Variants in HS6ST2 observed in about 807,000 individuals in gnomAD.
The protein encoded by HS6ST2 is heparan-sulfate 6-O-sulfotransferase 2.
A neutral mutation model predicts 33.0 loss-of-function variants in HS6ST2; 17 were observed. The observed-to-expected ratio is 0.52, with a 90% CI of 0.35 to 0.77. The LOEUF (loss-of-function observed/expected upper bound fraction) is 0.77. Ranked by LOEUF, HS6ST2 falls within the 30% of genes least tolerant of loss-of-function variation. The pLI, the probability that HS6ST2 is intolerant of heterozygous loss-of-function variation, is 0.01. For synonymous variants in HS6ST2, 248 were observed against 237.1 expected, an observed-to-expected ratio of 1.05 and a Z score of -0.42; for missense variants, 519 against 551.7, an observed-to-expected ratio of 0.94 and a Z score of 0.59.
intron 3 of HS6ST2, among the ~76,000 whole-genome samples, chrX:132,672,780 T>C: frequency 8.9e-6 from 1 of 112,504 alleles, no homozygotes; most frequent in African/African-American, 3.2e-5. Flanking sequence ...AAATTGCAAC[T>C]AACCCAACTC....
At chrX:132,939,706 CAA>C (rs2066867859) in intron 2 of HS6ST2, among the ~76,000 whole-genome samples, 1 of 111,872 alleles carries the variant, frequency 8.9e-6, no homozygotes, top group Non-Finnish European at 1.9e-5. Context: ...ACAATAATAT[CAA>C]AAGAGTAAAA....
chrX:132,694,856 T>C (rs1159583777), intron 3 of HS6ST2, among the ~76,000 whole-genome samples: 1 of 110,896 alleles, frequency 9.0e-6, no homozygotes, highest in African/African-American at 3.3e-5. Context: ...AAAAGATACC[T>C]TGAAGATTTT....
chrX:132,665,342 A>G (rs770456036), intron 4 of HS6ST2, among the ~76,000 whole-genome samples: 3 of 111,671 alleles, frequency 2.7e-5, no homozygotes, highest in Non-Finnish European at 5.6e-5. Context: ...TGGAAAGATC[A>G]TGGGACAAGT....
intron 2 of HS6ST2, among the ~76,000 whole-genome samples, chrX:132,839,303 TATATATATATATAC>T (rs1281921308): frequency 0.016 from 421 of 26,747 alleles, 4 homozygotes; most frequent in African/African-American, 0.069. Context: ...TATATATATA[TATATATATATATAC>T]ACACACATGT....
chrX:132,740,722 T>A (rs1254005710), intron 2 of HS6ST2, among the ~76,000 whole-genome samples: 1 of 109,983 alleles, frequency 9.1e-6, no homozygotes, highest in Non-Finnish European at 1.9e-5. Flanking sequence ...TGGATGGCAA[T>A]CCTCTATTGG....
At chrX:132,872,168 C>T (rs751205796) in intron 2 of HS6ST2, among the ~76,000 whole-genome samples, 2 of 111,461 alleles carry the variant, frequency 1.8e-5, no homozygotes, top group Non-Finnish European at 3.8e-5. Context: ...TGATTCACAT[C>T]GGTTGTCCTT....
chrX:132,697,395 C>A (rs991830901), intron 3 of HS6ST2, among the ~76,000 whole-genome samples: 1 of 111,800 alleles, frequency 8.9e-6, no homozygotes, highest in Non-Finnish European at 1.9e-5. Flanking sequence ...AAATTAAGGC[C>A]GGCTCTTCAC....
At chrX:132,827,495 T>A (rs906492933) in intron 2 of HS6ST2, among the ~76,000 whole-genome samples, 1 of 108,543 alleles carries the variant, frequency 9.2e-6, no homozygotes, top group African/African-American at 3.4e-5. Context: ...GTGTCAACAG[T>A]GGGAAAAGGG....
intron 2 of HS6ST2, among the ~76,000 whole-genome samples, chrX:132,732,388 G>C (rs761254481): frequency 9.0e-6 from 1 of 111,614 alleles, no homozygotes; most frequent in East Asian, 2.8e-4. Context: ...ACTTAGTTTC[G>C]TTAGGCATAG....
intron 2 of HS6ST2, among the ~76,000 whole-genome samples, chrX:132,828,100 C>A (rs755306390): frequency 3.6e-5 from 4 of 111,290 alleles, no homozygotes; most frequent in South Asian, 7.7e-4. Flanking sequence ...CTTGCCATGG[C>A]AAAGTATTGC....
chrX:132,763,356 G>T (rs1251522156), intron 2 of HS6ST2, among the ~76,000 whole-genome samples: 1 of 112,794 alleles, frequency 8.9e-6, no homozygotes, highest in African/African-American at 3.2e-5. Context: ...ATCATTCTGT[G>T]CAGATGTAAG....
intron 2 of HS6ST2, among the ~76,000 whole-genome samples, chrX:132,725,788 A>G (rs1412724641): frequency 1.8e-5 from 2 of 112,134 alleles, no homozygotes; most frequent in African/African-American, 6.5e-5. Flanking sequence ...ATGGATGGAT[A>G]AAGAAAATGT....
intron 2 of HS6ST2, among the ~76,000 whole-genome samples, chrX:132,745,386 C>G (rs767129258): frequency 1.7e-3 from 193 of 111,883 alleles, no homozygotes; most frequent in Middle Eastern, 9.3e-3. Flanking sequence ...CGCCCAGCCC[C>G]GATAGTTTTT....
At position 132,831,523 on chromosome X, in the gene HS6ST2, C is replaced by CA. The variant is rs764226718; in HGVS notation, c.948-123030dup. Among the ~76,000 whole-genome samples, 302 of 111,632 alleles carry CA rather than the reference C, an allele frequency of 2.7e-3. 1 individual carries two copies. The highest frequency in any genetic ancestry group is 3.9e-3 in the Non-Finnish European group (206 of 53,141). ...GTCCCAGCCACTTACAGACATTCTACAGCACACGAGCTTGTCCAACTACCT... is the reference window on the plus strand; with the variant it reads ...GTCCCAGCCACTTACAGACATTCTACAAGCACACGAGCTTGTCCAACTACCT... On this transcript the variant is annotated intron_variant, in intron 2 of 4. Transcript: ENST00000370833.
intron 2 of HS6ST2, among the ~76,000 whole-genome samples, chrX:132,769,842 GC>G (rs2064880533): frequency 8.9e-6 from 1 of 111,976 alleles, no homozygotes; most frequent in Non-Finnish European, 1.9e-5. Flanking sequence ...GATGTGGAGA[GC>G]CAACACTGTC....
intron 2 of HS6ST2, among the ~76,000 whole-genome samples, chrX:132,917,165 G>T (rs1010522043): frequency 9.0e-6 from 1 of 111,656 alleles, no homozygotes; most frequent in Non-Finnish European, 1.9e-5. Context: ...AAACAGTTGA[G>T]ATCTGGGGAA....
intron 2 of HS6ST2, among the ~76,000 whole-genome samples, chrX:132,759,512 G>A (rs970045932): frequency 9.0e-6 from 1 of 111,109 alleles, no homozygotes; most frequent in Admixed American, 9.6e-5. Flanking sequence ...GTAGGTGGGG[G>A]TGATGGGGAG....
intron 2 of HS6ST2, among the ~76,000 whole-genome samples, chrX:132,796,758 C>G (rs148936817): frequency 1.8e-5 from 2 of 112,212 alleles, no homozygotes; most frequent in Non-Finnish European, 3.8e-5. Context: ...ACTGATGCAG[C>G]CCCAATCCAT....
intron 2 of HS6ST2, among the ~76,000 whole-genome samples, chrX:132,953,998 G>A (rs928273380): frequency 8.9e-6 from 1 of 112,146 alleles, no homozygotes; most frequent in South Asian, 3.7e-4. Flanking sequence ...TTCCTGCTGT[G>A]CCGCTAAAAA....
Sources: allele counts gnomAD v4.1 joint callset (sites outside exome capture counted in the v4.1 genomes callset), GRCh38; gene constraint gnomAD v4.1.1; transcripts MANE v1.5; gene names NCBI Gene and HGNC (gene_info 2026-07-23, HGNC 2026-07-21).